The following ZEB1 variants were observed in gnomAD, a reference collection of about 807,000 sequenced individuals.
ZEB1 encodes zinc finger E-box binding homeobox 1, also known as zinc finger E-box-binding homeobox 1.
ZEB1 carries 21 observed loss-of-function variants against 84.9 expected under a neutral mutation model. The ratio of observed to expected loss-of-function variants is 0.25; its 90% CI spans 0.18 to 0.36. ZEB1 has a LOEUF of 0.36. ZEB1 is among the 10% of genes least tolerant of loss of function. ZEB1 has a pLI of 1.00. For missense variants in ZEB1, 1,104 were observed against 1,330.2 expected (o/e 0.83, Z 2.65); for synonymous variants, 420 against 471.1 (o/e 0.89, Z 1.41).
intron 1 of ZEB1, among the ~76,000 whole-genome samples, chr10:31,421,781 T>C (rs2056202145): frequency 6.6e-6 from 1 of 152,154 alleles, no homozygotes; most frequent in Admixed American, 6.5e-5. Flanking sequence ...TTATAATTTA[T>C]TTACATGCCT....
intron 1 of ZEB1, among the ~76,000 whole-genome samples, chr10:31,324,910 A>C (rs2035122163): frequency 1.3e-5 from 2 of 152,208 alleles, no homozygotes; most frequent in South Asian, 4.1e-4. Context: ...TAGCAACCCT[A>C]GTTAAAATTA....
rs576095668 is a variant in ZEB1, at chr10:31,454,634, C to T, written c.59-6403C>T. 7.9e-5 allele frequency among the ~76,000 whole-genome samples: 12 copies of T among 152,126 alleles called. No homozygotes were observed. The East Asian group carries it at 2.1e-3, about 27-fold the overall frequency. On this transcript the variant is annotated intron_variant, in intron 1 of 8. Transcript: ENST00000424869. Reference sequence around the variant, plus strand: ...TTCCTATACACCAATAACAGAGAACCAAATCATGAGTGAACTCCCATTCAC... The same window carrying T: ...TTCCTATACACCAATAACAGAGAACTAAATCATGAGTGAACTCCCATTCAC...
intron 1 of ZEB1, among the ~76,000 whole-genome samples, chr10:31,446,484 A>G: frequency 6.7e-6 from 1 of 148,988 alleles, no homozygotes; most frequent in East Asian, 2.0e-4. Flanking sequence ...TTGCTTTTCT[A>G]GTTCTTTTAA....
chr10:31,371,372 T>C (rs1190250822), intron 1 of ZEB1, among the ~76,000 whole-genome samples: 1 of 152,220 alleles, frequency 6.6e-6, no homozygotes, highest in Non-Finnish European at 1.5e-5. Context: ...TGTAATTTCA[T>C]TTGACTAAGG....
chr10:31,356,895 T>C (rs1171051891), intron 1 of ZEB1, among the ~76,000 whole-genome samples: 1 of 152,124 alleles, frequency 6.6e-6, no homozygotes, highest in Non-Finnish European at 1.5e-5. Flanking sequence ...AATATTTCAG[T>C]TTTTCCAAAG....
chr10:31,485,500 A>G (rs2065611648), intron 2 of ZEB1, among the ~76,000 whole-genome samples: 1 of 151,832 alleles, frequency 6.6e-6, no homozygotes, highest in African/African-American at 2.4e-5. Flanking sequence ...AGATTTCTGG[A>G]TCTGATTTCT....
At chr10:31,416,002 A>G (rs534645248) in intron 1 of ZEB1, among the ~76,000 whole-genome samples, 1 of 152,272 alleles carries the variant, frequency 6.6e-6, no homozygotes, top group South Asian at 2.1e-4. Context: ...AGTTGTAAAT[A>G]CTAATATCTT....
chr10:31,428,232 A>G (rs2057238925), intron 1 of ZEB1, among the ~76,000 whole-genome samples: 1 of 152,176 alleles, frequency 6.6e-6, no homozygotes, highest in African/African-American at 2.4e-5. Context: ...ACACTGCCTT[A>G]GCTGTGTCCC....
chr10:31,526,611 C>G (rs1426098813), intron 8 of ZEB1, 61 bp from the exon 9 acceptor site: 2 of 1,591,730 alleles, frequency 1.3e-6, no homozygotes, highest in Non-Finnish European at 1.7e-6. Flanking sequence ...CCCCAAAAAC[C>G]GTATAAGGAT....
chr10:31,440,364 T>A (rs2058777500), intron 1 of ZEB1, among the ~76,000 whole-genome samples: 1 of 151,952 alleles, frequency 6.6e-6, no homozygotes, highest in Non-Finnish European at 1.5e-5. Context: ...CAGCCCTTCA[T>A]GCTAAAAACT....
At chr10:31,356,558 C>G (rs1299386223) in intron 1 of ZEB1, among the ~76,000 whole-genome samples, 2 of 152,104 alleles carry the variant, frequency 1.3e-5, no homozygotes, top group Non-Finnish European at 2.9e-5. Flanking sequence ...GGATCATTGG[C>G]TCTAGAGATA....
chr10:31,363,323 G>A lies in ZEB1; in HGVS notation c.58+44031G>A. On this transcript the variant is annotated intron_variant, in intron 1 of 8. Coordinates refer to ENST00000424869, the MANE Select transcript of ZEB1 (RefSeq NM_001174096.2). ...GGAAGGATGCCTCCAGCAGGGCTGT[G>A]TGAACTGGCGACTCCATGGCCCTTG... 4 of 1,533,650 alleles carry A rather than the reference G, an allele frequency of 2.6e-6. No homozygotes were observed. The East Asian group carries it at 7.3e-5, about 28-fold the overall frequency.
intron 1 of ZEB1, among the ~76,000 whole-genome samples, chr10:31,419,286 G>T (rs2055746371): frequency 6.6e-6 from 1 of 152,142 alleles, no homozygotes; most frequent in Non-Finnish European, 1.5e-5. Context: ...GCCCTGGGGG[G>T]ATAAGGTTTG....
At chr10:31,474,896 T>G (rs549277287) in intron 2 of ZEB1, among the ~76,000 whole-genome samples, 193 of 152,166 alleles carry the variant, frequency 1.3e-3, no homozygotes, top group African/African-American at 4.4e-3. Context: ...AAAGGATGAG[T>G]TCATGTCCTT....
chr10:31,494,643 A>G (rs765775062), intron 2 of ZEB1, among the ~76,000 whole-genome samples: 3 of 152,054 alleles, frequency 2.0e-5, no homozygotes, highest in Non-Finnish European at 4.4e-5. Context: ...GTGTGACTGT[A>G]TAAGTATTCT....
At chr10:31,454,551 G>A (rs2060972876) in intron 1 of ZEB1, among the ~76,000 whole-genome samples, 1 of 152,156 alleles carries the variant, frequency 6.6e-6, no homozygotes, top group African/African-American at 2.4e-5. Context: ...TCCTTAAGCT[G>A]ATAAACAACT....
At chr10:31,419,313 G>A (rs1267907669) in intron 1 of ZEB1, among the ~76,000 whole-genome samples, 2 of 152,236 alleles carry the variant, frequency 1.3e-5, no homozygotes, top group African/African-American at 2.4e-5. Flanking sequence ...CAGTAAAGCC[G>A]GAGAGGGAGG....
At position 31,523,913 on chromosome 10, in the gene ZEB1, T is replaced by TCACA; in HGVS notation, c.2605-18_2605-15dup. ...TCTTTTAATGTTAAATTACATTTTC[T>TCACA]CACACCTTTCTCCCTCTAGGATGAA... On this transcript the variant is annotated intron_variant, in intron 7 of 8. Transcript: ENST00000424869. 6.2e-7 allele frequency: 1 copy of TCACA among 1,612,610 alleles called. No individual in the cohort carries two copies. Among genetic ancestry groups the TCACA allele is most frequent in the Non-Finnish European group, 8.5e-7 (1 of 1,178,818 alleles).
intron 1 of ZEB1, among the ~76,000 whole-genome samples, chr10:31,456,236 A>C (rs2061207947): frequency 6.6e-6 from 1 of 152,176 alleles, no homozygotes; most frequent in South Asian, 2.1e-4. Flanking sequence ...GAAGGGCAGC[A>C]TCACACACCA....
Sources: allele counts gnomAD v4.1 joint callset (sites outside exome capture counted in the v4.1 genomes callset), GRCh38; gene constraint gnomAD v4.1.1; transcripts MANE v1.5; gene names NCBI Gene and HGNC (gene_info 2026-07-23, HGNC 2026-07-21).